EPB41L4A: variants seen among roughly 807,000 people sequenced by gnomAD.
EPB41L4A encodes the protein band 4.1-like protein 4A.
Under a neutral mutation model 108.6 loss-of-function variants are expected in EPB41L4A, and 100 were observed. The ratio of observed to expected loss-of-function variants is 0.92; its 90% CI spans 0.78 to 1.09. The LOEUF (loss-of-function observed/expected upper bound fraction) is 1.09, where lower values mean the gene tolerates loss of function less well. Among genes scored for constraint, EPB41L4A ranks in the 50% least tolerant of loss-of-function variants. The probability of loss-of-function intolerance (pLI) is 0.00; values close to 1 mark genes in which losing one functional copy is unlikely to be tolerated. For synonymous variants in EPB41L4A, 319 were observed against 289.0 expected, an observed-to-expected ratio of 1.10 and a Z score of -1.05; for missense variants, 1,030 against 842.7, an observed-to-expected ratio of 1.22 and a Z score of -2.75.
chr5:112,391,790 G>C (rs1056687039), intron 1 of EPB41L4A, among the ~76,000 whole-genome samples: 9 of 152,074 alleles, frequency 5.9e-5, no homozygotes, highest in East Asian at 1.9e-4. Flanking sequence ...GATTCACCAA[G>C]GTTGAAATGA....
intron 1 of EPB41L4A, among the ~76,000 whole-genome samples, chr5:112,337,975 T>G (rs929096648): frequency 6.6e-6 from 1 of 151,964 alleles, no homozygotes; most frequent in Non-Finnish European, 1.5e-5. Context: ...AGGACCCCAT[T>G]TGTCTGAGGG....
chr5:112,191,050 A>T (rs61620009), intron 17 of EPB41L4A, among the ~76,000 whole-genome samples: 5,617 of 152,082 alleles, frequency 0.037, 332 homozygotes, highest in African/African-American at 0.12. Context: ...AAATATTATT[A>T]AAAAAAACTG....
At chr5:112,374,893 C>T (rs1325512877) in intron 1 of EPB41L4A, among the ~76,000 whole-genome samples, 1 of 152,164 alleles carries the variant, frequency 6.6e-6, no homozygotes, top group Admixed American at 6.6e-5. Flanking sequence ...GTAGAAAACT[C>T]TGAGTTTGAC....
Position 112,266,223 on chromosome 5 carries a change from TG to T in EPB41L4A, c.433+9del. ...CATTTCTGAGGCAAATATGCTTAAG[TG>T]GCACCTACACTGGATGGCATACGCT... On this transcript the variant is annotated intron_variant, in intron 5 of 22. Transcript: ENST00000261486. 1.3e-5 allele frequency: 21 copies of T among 1,581,488 alleles called. No homozygotes were observed. The highest frequency in any genetic ancestry group is 1.7e-5 in the Non-Finnish European group (20 of 1,165,294).
chr5:112,191,226 C>A (rs1761682916), intron 17 of EPB41L4A, among the ~76,000 whole-genome samples: 1 of 152,052 alleles, frequency 6.6e-6, no homozygotes, highest in African/African-American at 2.4e-5. Flanking sequence ...AATAAAGAAG[C>A]AGGGTGAATT....
chr5:112,339,978 G>A (rs571543800), intron 1 of EPB41L4A, among the ~76,000 whole-genome samples: 3 of 152,188 alleles, frequency 2.0e-5, no homozygotes, highest in East Asian at 1.9e-4. Flanking sequence ...AATCACTCAC[G>A]TCATGTCACC....
chr5:112,228,603 T>C (rs1230386829), intron 12 of EPB41L4A: 5 of 619,512 alleles, frequency 8.1e-6, no homozygotes, highest in Non-Finnish European at 8.1e-6. Flanking sequence ...CCAAATGGCT[T>C]CACCCATTAC....
chr5:112,277,400 T>C (rs888933706), intron 3 of EPB41L4A, among the ~76,000 whole-genome samples: 1 of 152,238 alleles, frequency 6.6e-6, no homozygotes, highest in Non-Finnish European at 1.5e-5. Context: ...TAATTTTCTC[T>C]AAGGTCTTCT....
chr5:112,344,022 T>C (rs1323817110), intron 1 of EPB41L4A, among the ~76,000 whole-genome samples: 3 of 152,302 alleles, frequency 2.0e-5, no homozygotes, highest in East Asian at 3.9e-4. Context: ...TGCCTGTGAA[T>C]AGTCACTGTA....
chr5:112,334,079 T>C (rs1249138153), intron 1 of EPB41L4A, among the ~76,000 whole-genome samples: 1 of 152,134 alleles, frequency 6.6e-6, no homozygotes, highest in Non-Finnish European at 1.5e-5. Flanking sequence ...TGCCTTATTA[T>C]ACGCTCCTCC....
At chr5:112,178,843 A>C (rs1445288916) in intron 18 of EPB41L4A, among the ~76,000 whole-genome samples, 1 of 152,050 alleles carries the variant, frequency 6.6e-6, no homozygotes, top group African/African-American at 2.4e-5. Context: ...TGTTATCCTA[A>C]GAAGATGAAA....
intron 12 of EPB41L4A, among the ~76,000 whole-genome samples, chr5:112,234,294 A>G (rs1749173767): frequency 1.3e-5 from 2 of 151,938 alleles, no homozygotes; most frequent in South Asian, 4.2e-4. Context: ...AGGTCAGAAC[A>G]TCACTTGGGC....
chr5:112,403,968 G>GA (rs1241094648), intron 1 of EPB41L4A, among the ~76,000 whole-genome samples: 3 of 151,996 alleles, frequency 2.0e-5, no homozygotes, highest in Admixed American at 1.3e-4. Context: ...GGAGGAAGAA[G>GA]AAAAAAAGAG....
At chr5:112,159,354 A>T (rs1176576803), downstream of EPB41L4A, among the ~76,000 whole-genome samples, 1 of 152,194 alleles carries the variant, frequency 6.6e-6, no homozygotes, top group East Asian at 1.9e-4. Context: ...CTCTGCTAGG[A>T]CTTAGAGAAA....
intron 18 of EPB41L4A, among the ~76,000 whole-genome samples, chr5:112,174,955 C>T (rs1390460338): frequency 1.3e-5 from 2 of 152,046 alleles, no homozygotes; most frequent in Non-Finnish European, 1.5e-5. Context: ...CTTCTCCCTC[C>T]CCCTCCAAAT....
intron 9 of EPB41L4A, among the ~76,000 whole-genome samples, chr5:112,245,878 G>A (rs1020220670): frequency 5.3e-5 from 8 of 152,206 alleles, no homozygotes; most frequent in Non-Finnish European, 7.3e-5. Context: ...GAGTGTCAGA[G>A]AGGCTGGGAA....
At chr5:112,327,110 G>A (rs1287452163) in intron 1 of EPB41L4A, among the ~76,000 whole-genome samples, 1 of 152,152 alleles carries the variant, frequency 6.6e-6, no homozygotes, top group Non-Finnish European at 1.5e-5. Context: ...TCAGCTGAGC[G>A]AGTTGCAAAA....
At chr5:112,170,114 T>C (rs1022104207) in intron 20 of EPB41L4A, 187 bp downstream of exon 20, 12 of 582,358 alleles carry the variant, frequency 2.1e-5, no homozygotes, top group Non-Finnish European at 3.3e-5. Flanking sequence ...TAAGAGATGA[T>C]AGTGATTATA....
chr5:112,267,895 G>A (rs1271526243), intron 4 of EPB41L4A, among the ~76,000 whole-genome samples: 1 of 151,976 alleles, frequency 6.6e-6, no homozygotes, highest in Non-Finnish European at 1.5e-5. Context: ...TTACTTCTTG[G>A]GTCACTTCTT....
Sources: allele counts gnomAD v4.1 joint callset (sites outside exome capture counted in the v4.1 genomes callset), GRCh38; gene constraint gnomAD v4.1.1; transcripts MANE v1.5; gene names NCBI Gene and HGNC (gene_info 2026-07-23, HGNC 2026-07-21).